MZT1: variants seen among roughly 807,000 people sequenced by gnomAD.
MZT1 encodes the protein mitotic spindle organizing protein 1, also known as mitotic-spindle organizing protein 1.
In MZT1, 8 loss-of-function variants were observed where a neutral mutation model predicts 8.5. The ratio of observed to expected loss-of-function variants is 0.94; its 90% CI spans 0.55 to 1.70. MZT1 has a LOEUF of 1.70. MZT1 is among the 40% of genes most tolerant of loss of function. The probability of loss-of-function intolerance (pLI) is 0.00; values close to 1 mark genes in which losing one functional copy is unlikely to be tolerated. For synonymous variants in MZT1, 38 were observed against 42.0 expected (o/e 0.90, Z 0.37); for missense variants, 93 against 108.6 (o/e 0.86, Z 0.64).
intron 1 of MZT1, among the ~76,000 whole-genome samples, chr13:72,719,606 T>A (rs916722426): frequency 2.0e-5 from 3 of 152,302 alleles, no homozygotes; most frequent in Admixed American, 1.3e-4. Flanking sequence ...GTCAGTAATA[T>A]ACATATTTAA....
In MZT1 at chr13:72,708,934, T is replaced by C. The variant is rs2032459518; in HGVS notation, c.*1388A>G. ...AAAAATGCTAGTAAAGAGTGAATGC[T>C]TGTACAATCATATAAATGGTACTCA... On this transcript the variant is annotated 3_prime_UTR_variant, in exon 3 of 3. Coordinates refer to ENST00000377818, the MANE Select transcript of MZT1 (RefSeq NM_001071775.3). 6.6e-6 allele frequency: 1 copy of C among 152,002 alleles called. No individual in the cohort carries two copies. Among genetic ancestry groups the C allele is most frequent in the South Asian group, 2.1e-4 (1 of 4,834 alleles). The allele number at this position is 152,002 out of a possible 1,614,324, so 9.4% of individuals were successfully genotyped here. A position where few individuals can be genotyped will look rare whatever the true frequency, so the allele number is the denominator to read the frequency against.
intron 1 of MZT1, among the ~76,000 whole-genome samples, chr13:72,724,752 A>ATATATATATATATATATATGTG (rs1180726488): frequency 1.8e-5 from 1 of 56,856 alleles, no homozygotes; most frequent in Non-Finnish European, 3.7e-5. Flanking sequence ...ACATATATAT[A>ATATATATATATATATATATGTG]TGTAAAGTGG....
At chr13:72,714,980 G>A (rs2032520795) in intron 2 of MZT1, among the ~76,000 whole-genome samples, 1 of 152,268 alleles carries the variant, frequency 6.6e-6, no homozygotes, top group South Asian at 2.1e-4. Flanking sequence ...TGTGAGAAGA[G>A]GGCCACCGTT....
intron 2 of MZT1, 119 bp from the exon 3 acceptor site, chr13:72,710,464 A>T (rs1001343427): frequency 2.3e-5 from 20 of 874,226 alleles, no homozygotes; most frequent in Non-Finnish European, 3.8e-5. Flanking sequence ...AAACAGAACC[A>T]CTTTTATCAC....
At chr13:72,724,739 TAC>T (rs1247734434) in intron 1 of MZT1, among the ~76,000 whole-genome samples, 3 of 41,366 alleles carry the variant, frequency 7.3e-5, no homozygotes, top group African/African-American at 5.3e-5. Context: ...TATATATATA[TAC>T]ACATATATAT....
In MZT1 at chr13:72,718,302, T is replaced by C. The variant is rs74094508; in HGVS notation, c.225+650A>G. Among the ~76,000 whole-genome samples, 1,099 of 152,334 alleles carry C rather than the reference T, an allele frequency of 7.2e-3. 13 individuals are homozygous for C. The highest frequency in any genetic ancestry group is 0.026 in the African/African-American group (1,062 of 41,580). ...ACCCTAATCCAGGATGACCTCATCT[T>C]AATTTGATTATATCTGCAAAGGCAT... is the stretch of plus-strand genomic sequence containing the variant. On this transcript the variant is annotated intron_variant, in intron 2 of 2. Transcript: ENST00000377818.
At chr13:72,725,128 G>C (rs2032635307) in intron 1 of MZT1, among the ~76,000 whole-genome samples, 1 of 151,056 alleles carries the variant, frequency 6.6e-6, no homozygotes. Flanking sequence ...CAGATGCACA[G>C]GACGATTTTA....
chr13:72,723,644 C>CA (rs971623550), intron 1 of MZT1, among the ~76,000 whole-genome samples: 300 of 145,762 alleles, frequency 2.1e-3, no homozygotes, highest in African/African-American at 6.4e-3. Context: ...GAAAATATTA[C>CA]AAAAAAAAAA....
chr13:72,715,010 G>A (rs938638024), intron 2 of MZT1, among the ~76,000 whole-genome samples: 4 of 152,174 alleles, frequency 2.6e-5, no homozygotes, highest in Non-Finnish European at 4.4e-5. Flanking sequence ...CAGAATGGTA[G>A]ATCCACTGAC....
intron 2 of MZT1, among the ~76,000 whole-genome samples, chr13:72,718,499 G>A (rs189458496): frequency 1.4e-3 from 210 of 150,572 alleles, no homozygotes; most frequent in East Asian, 9.8e-4. Context: ...TTTTTTAGAC[G>A]GAGTCTCACT....
At chr13:72,723,963 C>T (rs182114401) in intron 1 of MZT1, among the ~76,000 whole-genome samples, 10 of 152,286 alleles carry the variant, frequency 6.6e-5, no homozygotes, top group African/African-American at 2.4e-4. Context: ...TACACTTAGA[C>T]ATCAAAAGTG....
intron 1 of MZT1, 118 bp from the exon 2 acceptor site, chr13:72,719,215 C>G (rs1381945035): frequency 3.8e-6 from 3 of 793,762 alleles, no homozygotes; most frequent in Non-Finnish European, 5.3e-6. Context: ...GCATAGCATC[C>G]CAGGTTTTGG....
At chr13:72,717,935 A>C (rs1339305763) in intron 2 of MZT1, among the ~76,000 whole-genome samples, 1 of 152,136 alleles carries the variant, frequency 6.6e-6, no homozygotes, top group Non-Finnish European at 1.5e-5. Flanking sequence ...TCCAATACCC[A>C]ATTCCAAAGC....
rs1360189330 is a variant in MZT1, at chr13:72,709,380, G to A, written c.*942C>T. ...TCCTTATTTCTTCAAAAAATAGCAAGTATCTTTTGAAACACATCACCCATC... is the reference window on the plus strand; with the variant it reads ...TCCTTATTTCTTCAAAAAATAGCAAATATCTTTTGAAACACATCACCCATC... On this transcript the variant is annotated 3_prime_UTR_variant, in exon 3 of 3. Coordinates refer to ENST00000377818, the MANE Select transcript of MZT1 (RefSeq NM_001071775.3). 2 of 151,746 alleles carry A rather than the reference G, an allele frequency of 1.3e-5. No individual in the cohort carries two copies. The highest frequency in any genetic ancestry group is 2.4e-5 in the African/African-American group (1 of 41,340). The allele number at this position is 151,746 out of a possible 1,614,324, so 9.4% of individuals were successfully genotyped here. A position where few individuals can be genotyped will look rare whatever the true frequency, so the allele number is the denominator to read the frequency against.
intron 2 of MZT1, among the ~76,000 whole-genome samples, chr13:72,716,718 A>G (rs1246568181): frequency 6.6e-6 from 1 of 152,244 alleles, no homozygotes; most frequent in African/African-American, 2.4e-5. Context: ...AAGGGAAATA[A>G]AATCACAAGC....
intron 2 of MZT1, among the ~76,000 whole-genome samples, chr13:72,711,426 T>C (rs2032487850): frequency 6.6e-6 from 1 of 152,134 alleles, no homozygotes; most frequent in South Asian, 2.1e-4. Flanking sequence ...ACCACATCAA[T>C]ATACAAATCT....
In MZT1 at chr13:72,727,253, G is replaced by A. The variant is rs142059148; in HGVS notation, c.79+271C>T. ...CGGACCTGGGATGCGGGATAGAGGG[G>A]GCGCGGCATTCGCGCGAGAGGGACG... On this transcript the variant is annotated intron_variant, in intron 1 of 2. Coordinates refer to ENST00000377818, the MANE Select transcript of MZT1 (RefSeq NM_001071775.3). Among the ~76,000 whole-genome samples, 1,101 of 152,302 alleles carry A rather than the reference G, an allele frequency of 7.2e-3. 13 individuals are homozygous for A. Among genetic ancestry groups the A allele is most frequent in the Middle Eastern group, 0.014 (4 of 292 alleles).
At chr13:72,720,493 A>G (rs1417414684) in intron 1 of MZT1, among the ~76,000 whole-genome samples, 1 of 152,182 alleles carries the variant, frequency 6.6e-6, no homozygotes, top group Non-Finnish European at 1.5e-5. Flanking sequence ...TCACCCATTA[A>G]TTTAAGTCTA....
intron 2 of MZT1, among the ~76,000 whole-genome samples, chr13:72,717,478 T>G (rs1046671980): frequency 1.3e-5 from 2 of 152,108 alleles, no homozygotes; most frequent in African/African-American, 4.8e-5. Flanking sequence ...TAGCTGGGAT[T>G]ACAGGCATGT....
Sources: gnomAD v4.1 joint callset for allele counts (sites outside exome capture counted in the v4.1 genomes callset) on GRCh38, gnomAD v4.1.1 for gene constraint, MANE v1.5 for transcripts, NCBI Gene and HGNC (gene_info 2026-07-23, HGNC 2026-07-21) for gene names.